Variants in UBE2Q2 observed in about 807,000 individuals in gnomAD.
UBE2Q2 encodes ubiquitin conjugating enzyme E2 Q2.
UBE2Q2 carries 54 observed loss-of-function variants against 59.9 expected under a neutral mutation model. The ratio of observed to expected loss-of-function variants is 0.90; its 90% CI spans 0.72 to 1.13. The LOEUF (loss-of-function observed/expected upper bound fraction) is 1.13, where lower values mean the gene tolerates loss of function less well. Ranked by LOEUF, UBE2Q2 falls within the 50% of genes most tolerant of loss-of-function variation. The pLI is 0.00. For synonymous variants in UBE2Q2, 165 were observed against 155.2 expected (o/e 1.06, Z -0.47); for missense variants, 433 against 441.9 (o/e 0.98, Z 0.18).
intron 2 of UBE2Q2, among the ~76,000 whole-genome samples, chr15:75,859,545 G>A (rs1199884016): frequency 6.6e-6 from 1 of 152,020 alleles, no homozygotes; most frequent in Non-Finnish European, 1.5e-5. Flanking sequence ...CCTCATTAAT[G>A]CATTAATGTT....
intron 2 of UBE2Q2, among the ~76,000 whole-genome samples, chr15:75,856,988 C>T (rs1896953352): frequency 6.6e-6 from 1 of 151,462 alleles, no homozygotes; most frequent in Non-Finnish European, 1.5e-5. Context: ...AGGCTTGGCA[C>T]AGTGGTTCAT....
chr15:75,847,840 A>G, intron 1 of UBE2Q2, among the ~76,000 whole-genome samples: 1 of 152,024 alleles, frequency 6.6e-6, no homozygotes, highest in Non-Finnish European at 1.5e-5. Flanking sequence ...AACAAATGAA[A>G]CTTCATTTTT....
intron 1 of UBE2Q2, chr15:75,844,519 C>T: frequency 1.3e-6 from 2 of 1,548,288 alleles, no homozygotes; most frequent in South Asian, 2.4e-5. Context: ...TGGCCCCTCC[C>T]TTGTGTGTAA....
chr15:75,873,411 T>G lies in UBE2Q2; in HGVS notation c.448-17T>G. ...AAAAATAGGTTGAATAAGCTAACAT[T>G]TTTCGTCTCTTTGTAGGATATAGAA... On this transcript the variant is annotated splice_polypyrimidine_tract_variant and intron_variant, in intron 4 of 12. Transcript: ENST00000267938. 4 of 1,568,778 alleles carry G rather than the reference T, an allele frequency of 2.5e-6. No individual in the cohort carries two copies. Among genetic ancestry groups the G allele is most frequent in the Non-Finnish European group, 3.4e-6 (4 of 1,164,408 alleles).
At chr15:75,866,941 G>A (rs956763467) in intron 3 of UBE2Q2, among the ~76,000 whole-genome samples, 1 of 152,052 alleles carries the variant, frequency 6.6e-6, no homozygotes, top group African/African-American at 2.4e-5. Context: ...ACTTGACTTG[G>A]CACTTTCAGA....
intron 3 of UBE2Q2, among the ~76,000 whole-genome samples, chr15:75,866,777 G>A (rs1897511603): frequency 6.6e-6 from 1 of 152,018 alleles, no homozygotes; most frequent in South Asian, 2.1e-4. Flanking sequence ...GGGTGGAGGG[G>A]ATCTTATTTT....
At chr15:75,894,403 TAAAA>T (rs1189906584) in intron 11 of UBE2Q2, among the ~76,000 whole-genome samples, 1 of 151,366 alleles carries the variant, frequency 6.6e-6, no homozygotes, top group Non-Finnish European at 1.5e-5. Context: ...CCAATCTCTG[TAAAA>T]AAAACAAAAC....
intron 4 of UBE2Q2, among the ~76,000 whole-genome samples, chr15:75,871,000 G>A (rs954755021): frequency 2.6e-5 from 4 of 152,152 alleles, no homozygotes; most frequent in Non-Finnish European, 5.9e-5. Flanking sequence ...GGAGGATCCC[G>A]CCAGCCTCTG....
At chr15:75,892,242 T>G (rs958700878) in intron 11 of UBE2Q2, among the ~76,000 whole-genome samples, 5 of 152,214 alleles carry the variant, frequency 3.3e-5, no homozygotes, top group African/African-American at 4.8e-5. Context: ...ATACTTTTTG[T>G]AGGAAAGCAT....
At chr15:75,893,309 T>C (rs1474097965) in intron 11 of UBE2Q2, among the ~76,000 whole-genome samples, 1 of 152,188 alleles carries the variant, frequency 6.6e-6, no homozygotes, top group African/African-American at 2.4e-5. Flanking sequence ...TAGAAACAAA[T>C]GATGCAGCTT....
At chr15:75,844,304 C>T in intron 1 of UBE2Q2, 2 of 1,547,376 alleles carry the variant, frequency 1.3e-6, no homozygotes, top group Middle Eastern at 2.3e-4. Flanking sequence ...TCCTTCTTCC[C>T]GCTTGTTCAG....
intron 1 of UBE2Q2, among the ~76,000 whole-genome samples, chr15:75,848,512 A>T (rs1035630478): frequency 4.6e-5 from 7 of 152,236 alleles, no homozygotes; most frequent in African/African-American, 1.7e-4. Flanking sequence ...GTTTTCGTTT[A>T]TCTGACCAAT....
At chr15:75,857,779 A>AT (rs897544007) in intron 2 of UBE2Q2, among the ~76,000 whole-genome samples, 28 of 150,912 alleles carry the variant, frequency 1.9e-4, no homozygotes, top group Middle Eastern at 3.5e-3. Context: ...AAATGCAGCC[A>AT]TTTTTTCCAT....
At chr15:75,873,681 C>A in intron 5 of UBE2Q2, 113 bp downstream of exon 5, 1 of 1,212,384 alleles carries the variant, frequency 8.2e-7, no homozygotes, top group Non-Finnish European at 1.2e-6. Context: ...CCATTTCTGC[C>A]TTAGTGGTGG....
chr15:75,891,285 C>T (rs1430732522), intron 11 of UBE2Q2, among the ~76,000 whole-genome samples: 1 of 151,880 alleles, frequency 6.6e-6, no homozygotes, highest in Non-Finnish European at 1.5e-5. Context: ...TAAACAAAAA[C>T]TTATTTGTAA....
chr15:75,891,497 T>A (rs76078375), intron 11 of UBE2Q2, among the ~76,000 whole-genome samples: 49 of 151,800 alleles, frequency 3.2e-4, no homozygotes, highest in African/African-American at 3.9e-4. Flanking sequence ...TTTTTTTTTT[T>A]AAATCTTTTT....
intron 4 of UBE2Q2, among the ~76,000 whole-genome samples, chr15:75,872,122 T>G (rs987455965): frequency 2.6e-5 from 4 of 151,994 alleles, no homozygotes; most frequent in Non-Finnish European, 4.4e-5. Flanking sequence ...GTTATAGGGC[T>G]TGAAGAGATG....
rs1453063967 is a variant in UBE2Q2 at position 75,899,420 on chromosome 15, A to G, written c.1097-7A>G. On this transcript the variant is annotated splice_region_variant and splice_polypyrimidine_tract_variant and intron_variant, in intron 12 of 12. Transcript: ENST00000267938. ...ATTTTAACTTTTTTTTTTTCATTCTATTTCAGGCTGGTACACCCCTCCAAA... is the reference window on the plus strand; with the variant it reads ...ATTTTAACTTTTTTTTTTTCATTCTGTTTCAGGCTGGTACACCCCTCCAAA... The G allele has an allele frequency of 6.4e-7, 1 of 1,570,806 alleles. No individual in the cohort carries two copies. Among genetic ancestry groups the G allele is most frequent in the African/African-American group, 1.4e-5 (1 of 72,304 alleles).
At chr15:75,881,882 G>A (rs529256494) in intron 8 of UBE2Q2, among the ~76,000 whole-genome samples, 1 of 152,224 alleles carries the variant, frequency 6.6e-6, no homozygotes, top group South Asian at 2.1e-4. Flanking sequence ...TTTAAGAAGG[G>A]TCTATTTAGA....
Sources: gnomAD v4.1 joint callset for allele counts (sites outside exome capture counted in the v4.1 genomes callset) on GRCh38, gnomAD v4.1.1 for gene constraint, MANE v1.5 for transcripts, NCBI Gene and HGNC (gene_info 2026-07-23, HGNC 2026-07-21) for gene names.